The following NBPF15 variants were observed in gnomAD, a reference collection of about 807,000 sequenced individuals.
NBPF15 encodes the protein NBPF family member NBPF15.
NBPF15 carries 74 observed loss-of-function variants against 62.2 expected under a neutral mutation model. That is an observed-to-expected ratio of 1.19 (90% CI 0.99 to 1.44). The LOEUF (loss-of-function observed/expected upper bound fraction) is 1.44. Ranked by LOEUF, NBPF15 falls within the 40% of genes most tolerant of loss-of-function variation. NBPF15 has a pLI of 0.00. For synonymous variants in NBPF15, 244 were observed against 209.7 expected, an observed-to-expected ratio of 1.16 and a Z score of -1.41; for missense variants, 790 against 550.0, an observed-to-expected ratio of 1.44 and a Z score of -4.36.
intron 6 of NBPF15, among the ~76,000 whole-genome samples, chr1:144,442,224 T>C (rs1451946571): frequency 1.7e-5 from 2 of 115,996 alleles, no homozygotes; most frequent in Admixed American, 9.7e-5. Context: ...ATATAATATA[T>C]ATATTAATAA....
Position 144,429,811 on chromosome 1 carries a change from CT to C in NBPF15, c.876del (p.Gly293ValfsTer25), listed in dbSNP as rs1553539987. On this transcript the variant is annotated frameshift_variant, in exon 14 of 22. Transcript: ENST00000581897. LOFTEE classifies it high-confidence loss of function. ...EEEVPQESWD[E>X]GYSTLSIPPE... Reference sequence around the variant, plus strand: ...GGAGGAATTGAGAGAGTCGAATAACCTTCATCCCAGGACTCCTGGGGGACTT... The same window carrying C: ...GGAGGAATTGAGAGAGTCGAATAACCTCATCCCAGGACTCCTGGGGGACTT... The C allele has an allele frequency of 1.7e-6, 1 of 592,538 alleles. No homozygotes were observed. The highest frequency in any genetic ancestry group is 2.9e-6 in the Non-Finnish European group (1 of 348,226). 36.7% of individuals were successfully genotyped at this position (592,538 alleles called of 1,614,324 possible). A position where few individuals can be genotyped will look rare whatever the true frequency, so the allele number is the denominator to read the frequency against.
In NBPF15 at chr1:144,422,871, G is replaced by T. The variant is rs1355046781; in HGVS notation, c.*142C>A. ...ATTGAGCACAGGTTGCCAATGGCAT[G>T]GTTTGAGAATAGGAATAGAGCCATG... On this transcript the variant is annotated 3_prime_UTR_variant, in exon 22 of 22. Coordinates refer to ENST00000581897, the MANE Select transcript of NBPF15 (RefSeq NM_001385408.1). 10 of 1,581,898 alleles carry T rather than the reference G, an allele frequency of 6.3e-6. No individual in the cohort carries two copies. The Admixed American group carries it at 1.4e-4, about 22-fold the overall frequency.
chr1:144,432,440 T>C (rs1205126480), intron 13 of NBPF15, among the ~76,000 whole-genome samples: 8 of 151,954 alleles, frequency 5.3e-5, no homozygotes, highest in African/African-American at 1.7e-4. Flanking sequence ...AATGACAGGA[T>C]CAAATTCACA....
intron 4 of NBPF15, among the ~76,000 whole-genome samples, 165 bp from the exon 5 acceptor site, chr1:144,451,035 C>T (rs1272291661): frequency 6.6e-6 from 1 of 151,950 alleles, no homozygotes; most frequent in African/African-American, 2.4e-5. Flanking sequence ...TATGGAGGAC[C>T]CATGCCAGCA....
At position 144,423,071 on chromosome 1, in the gene NBPF15, G is replaced by C. The variant is rs1666812967; in HGVS notation, c.1955C>G (p.Thr652Ser). Reference protein sequence around the residue: ...FALYVDNRFFTLTVTSLHLVF... With the variant: ...FALYVDNRFFSLTVTSLHLVF... Reference sequence around the variant, plus strand: ...CAGGTGGAGACTTGTCACCGTCAAAGTAAAAAACCTATTGTCCACGTAAAG... The same window carrying C: ...CAGGTGGAGACTTGTCACCGTCAAACTAAAAAACCTATTGTCCACGTAAAG... Residue 652 changes from threonine to serine, a missense_variant, in exon 22 of 22, where the codon ACT becomes AGT. Coordinates refer to ENST00000581897, the MANE Select transcript of NBPF15 (RefSeq NM_001385408.1). 1 of 1,611,484 alleles carries C rather than the reference G, an allele frequency of 6.2e-7. No individual in the cohort carries two copies. Among genetic ancestry groups the C allele is most frequent in the South Asian group, 1.1e-5 (1 of 90,974 alleles).
intron 4 of NBPF15, among the ~76,000 whole-genome samples, chr1:144,453,344 C>T (rs376272025): frequency 1.9e-4 from 29 of 151,762 alleles, no homozygotes; most frequent in East Asian, 7.8e-4. Context: ...AAATCTTACA[C>T]GTAAATGTAA....
chr1:144,436,195 A>G (rs1443471302), intron 10 of NBPF15, among the ~76,000 whole-genome samples: 29 of 152,020 alleles, frequency 1.9e-4, no homozygotes, highest in African/African-American at 3.1e-4. Context: ...GTCCCGTCAC[A>G]GTTTGCATTT....
At chr1:144,440,943 C>G (rs1271015814) in intron 6 of NBPF15, among the ~76,000 whole-genome samples, 2 of 151,820 alleles carry the variant, frequency 1.3e-5, no homozygotes. Flanking sequence ...GCTGGGATTA[C>G]AGGCATGAGC....
intron 15 of NBPF15, among the ~76,000 whole-genome samples, chr1:144,428,212 C>G (rs1408857331): frequency 4.1e-5 from 6 of 146,656 alleles, no homozygotes; most frequent in Admixed American, 3.4e-4. Flanking sequence ...CACACACACA[C>G]AGAGCGAGCT....
intron 4 of NBPF15, among the ~76,000 whole-genome samples, chr1:144,452,528 A>C (rs1232291860): frequency 5.9e-5 from 9 of 151,400 alleles, no homozygotes; most frequent in African/African-American, 2.2e-4. Context: ...AAATGACTAC[A>C]AACAGGTTCA....
At chr1:144,447,650 C>T (rs377394175) in intron 6 of NBPF15, among the ~76,000 whole-genome samples, 6 of 151,872 alleles carry the variant, frequency 4.0e-5, no homozygotes, top group African/African-American at 1.5e-4. Context: ...AGAATACTAG[C>T]TAATAATGCC....
At chr1:144,447,941 AC>A (rs1168706703) in intron 6 of NBPF15, among the ~76,000 whole-genome samples, 2 of 151,974 alleles carry the variant, frequency 1.3e-5, no homozygotes, top group Non-Finnish European at 2.9e-5. Context: ...AGAACCACAG[AC>A]CGCACGGCTC....
intron 4 of NBPF15, among the ~76,000 whole-genome samples, chr1:144,451,766 C>T (rs1691323784): frequency 6.6e-6 from 1 of 151,330 alleles, no homozygotes; most frequent in Non-Finnish European, 1.5e-5. Context: ...CGTCTCAAGG[C>T]AAAAGAATTT....
rs781909535 is a variant in NBPF15, at chr1:144,422,966, T to C, written c.*47A>G. 8 of 1,611,636 alleles carry C rather than the reference T, an allele frequency of 5.0e-6. No individual in the cohort carries two copies. Among genetic ancestry groups the C allele is most frequent in the South Asian group, 1.1e-5 (1 of 90,960 alleles). On this transcript the variant is annotated 3_prime_UTR_variant, in exon 22 of 22. Coordinates refer to ENST00000581897, the MANE Select transcript of NBPF15 (RefSeq NM_001385408.1). ...TTTCATTCAAATCTTCTCGTGCCTA[T>C]AGGTCCTGCCTGCAGGAATGACATC...
Position 144,436,897 on chromosome 1 carries a change from G to A in NBPF15, c.491C>T (p.Pro164Leu). ...LTQHLVQKLS[P>L]ENDNDDDEDV... is the part of the protein sequence containing the mutation. ...ATCAGGGCCTATGGCCACCTTACCT[G>A]GGCTGAGCTTTTGGACAAGGTGCTG... is the stretch of plus-strand genomic sequence containing the variant. The change falls in exon 10 of 22, where the codon CCA becomes CTA. Residue 164 changes from proline to leucine, a missense_variant and splice_region_variant. Physicochemically the swap from Pro to Leu is moderately conservative, Grantham distance 98 (BLOSUM62 -3). Transcript: ENST00000581897. 6.2e-7 allele frequency: 1 copy of A among 1,611,872 alleles called. No individual in the cohort carries two copies. Among genetic ancestry groups the A allele is most frequent in the Admixed American group, 1.7e-5 (1 of 59,974 alleles).
intron 20 of NBPF15, 112 bp from the exon 21 acceptor site, chr1:144,424,087 G>C: frequency 2.7e-6 from 2 of 754,010 alleles, no homozygotes; most frequent in South Asian, 2.8e-5. Flanking sequence ...ATAAGAATAC[G>C]ACACCATGAG....
chr1:144,443,328 C>T (rs1441402864), intron 6 of NBPF15, among the ~76,000 whole-genome samples: 1 of 151,914 alleles, frequency 6.6e-6, no homozygotes, highest in Non-Finnish European at 1.5e-5. Flanking sequence ...TGAATACTTA[C>T]ACCATTACTA....
chr1:144,439,138 C>T (rs1476843505), intron 8 of NBPF15, among the ~76,000 whole-genome samples: 3,475 of 151,852 alleles, frequency 0.023, 137 homozygotes, highest in African/African-American at 0.079. Context: ...CACCTGCCAC[C>T]ACGCCCATCT....
chr1:144,434,164 T>A (rs1367158663), intron 12 of NBPF15, among the ~76,000 whole-genome samples: 2 of 150,482 alleles, frequency 1.3e-5, no homozygotes, highest in Non-Finnish European at 2.9e-5. Context: ...TATCACCAGG[T>A]AACATGGACA....
Sources: gnomAD v4.1 joint callset for allele counts (sites outside exome capture counted in the v4.1 genomes callset) on GRCh38, gnomAD v4.1.1 for gene constraint, MANE v1.5 for transcripts, NCBI Gene and HGNC (gene_info 2026-07-23, HGNC 2026-07-21) for gene names.